The following DCAF6 variants were observed in gnomAD, a reference collection of about 807,000 sequenced individuals.
DCAF6 encodes DDB1- and CUL4-associated factor 6.
In DCAF6, 54 loss-of-function variants were observed where a neutral mutation model predicts 125.1. That is an observed-to-expected ratio of 0.43 (90% CI 0.35 to 0.54). DCAF6 has a LOEUF of 0.54. Among genes scored for constraint, DCAF6 ranks in the 20% least tolerant of loss-of-function variants. DCAF6 has a pLI of 0.01. For synonymous variants in DCAF6, 371 were observed against 390.4 expected (o/e 0.95, Z 0.58); for missense variants, 934 against 1,161.7 (o/e 0.80, Z 2.85).
intron 12 of DCAF6, among the ~76,000 whole-genome samples, chr1:168,028,411 T>C (rs1157122388): frequency 3.9e-5 from 6 of 152,162 alleles, no homozygotes; most frequent in Admixed American, 3.3e-4. Context: ...ACAAGTTGCT[T>C]TCTATTCCTT....
At chr1:168,016,417 A>C (rs757818522) in intron 11 of DCAF6, among the ~76,000 whole-genome samples, 1 of 152,182 alleles carries the variant, frequency 6.6e-6, no homozygotes, top group East Asian at 1.9e-4. Flanking sequence ...CCATACTAGC[A>C]TGCTGACTAA....
At chr1:168,066,845 G>C (rs1692407875) in intron 20 of DCAF6, among the ~76,000 whole-genome samples, 1 of 152,106 alleles carries the variant, frequency 6.6e-6, no homozygotes, top group Non-Finnish European at 1.5e-5. Flanking sequence ...TTTTAGTACA[G>C]CTATTTTTCC....
At chr1:167,877,354 G>C in the DCAF6 span, among the ~76,000 whole-genome samples, 1 of 151,368 alleles carries the variant, frequency 6.6e-6, no homozygotes, top group African/African-American at 2.4e-5. Flanking sequence ...GCACTTTATT[G>C]ATGGCCTATG....
rs146323296 is a variant in DCAF6 at position 168,051,261 on chromosome 1, G to GT, written c.2300+334dup. Among the ~76,000 whole-genome samples the GT allele has an allele frequency of 6.6e-3, 1,010 of 152,230 alleles. 18 individuals carry two copies. The highest frequency in any genetic ancestry group is 0.023 in the African/African-American group (958 of 41,562). ...TATTTTGTTGAAGAATGCAATTTAT[G>GT]TTTTTTAAATTTGATTGGGATAACA... On this transcript the variant is annotated intron_variant, in intron 17 of 21. Transcript: ENST00000367840.
At chr1:168,051,402 T>A (rs1348909714) in intron 17 of DCAF6, among the ~76,000 whole-genome samples, 1 of 152,342 alleles carries the variant, frequency 6.6e-6, no homozygotes, top group South Asian at 2.1e-4. Flanking sequence ...AGTTGTTTCC[T>A]TATAAATAGT....
At chr1:167,991,138 A>G (rs1444286874) in intron 5 of DCAF6, 66 bp from the exon 6 acceptor site, 4 of 1,354,796 alleles carry the variant, frequency 3.0e-6, no homozygotes, top group Non-Finnish European at 3.0e-6. Context: ...ATGAGAAAAT[A>G]TTTTAAATAT....
chr1:167,896,474 T>G, the DCAF6 span: 1 of 816,908 alleles, frequency 1.2e-6, no homozygotes, highest in African/African-American at 1.7e-5. Context: ...CTTTGTGTGC[T>G]GGTAAGGACC....
chr1:167,900,363 A>G, the DCAF6 span, among the ~76,000 whole-genome samples: 5 of 152,178 alleles, frequency 3.3e-5, no homozygotes, highest in East Asian at 7.7e-4. Context: ...CTTACTCTAA[A>G]AAAAGGTGCT....
rs1453003339 is a variant in DCAF6, at chr1:168,003,960, A to G, written c.1088A>G (p.Asn363Ser). Residue 363 changes from asparagine (N) to serine (S), a missense_variant, in exon 9 of 22, where the codon AAT becomes AGT. Asn to Ser is a conservative substitution (Grantham distance 46). This residue lies in a region of DCAF6 where 559 missense variants were observed against 635.5 expected (regional missense o/e 0.88). Coordinates refer to ENST00000367840, the MANE Select transcript of DCAF6 (RefSeq NM_001198956.2). Reference sequence around the variant, plus strand: ...GAAGCAAGTGAGGTTGCACAAAGCAATAGAGGACGAGGAAGATCTCGACCC... The same window carrying G: ...GAAGCAAGTGAGGTTGCACAAAGCAGTAGAGGACGAGGAAGATCTCGACCC... ...FEEASEVAQS[N>S]RGRGRSRPRG... 5 of 1,612,610 alleles carry G rather than the reference A, an allele frequency of 3.1e-6. No individual in the cohort carries two copies. The highest frequency in any genetic ancestry group is 2.2e-5 in the East Asian group (1 of 44,814).
chr1:167,904,888 A>G, the DCAF6 span: 2 of 1,481,504 alleles, frequency 1.3e-6, no homozygotes, highest in Non-Finnish European at 1.9e-6. Flanking sequence ...TGACAGCCCA[A>G]GGGCTCCAGA....
At chr1:167,909,934 C>T in the DCAF6 span, among the ~76,000 whole-genome samples, 1 of 147,760 alleles carries the variant, frequency 6.8e-6, no homozygotes, top group South Asian at 2.1e-4. Flanking sequence ...GCCGGCGCCA[C>T]TGATGACCAG....
chr1:167,866,388 G>C, the DCAF6 span, among the ~76,000 whole-genome samples: 1 of 152,136 alleles, frequency 6.6e-6, no homozygotes. Flanking sequence ...ATTTTAGTGA[G>C]TGATGTTAAT....
chr1:168,016,680 A>C (rs890141991), intron 11 of DCAF6, among the ~76,000 whole-genome samples: 47 of 152,276 alleles, frequency 3.1e-4, no homozygotes, highest in African/African-American at 1.1e-3. Context: ...TTAATGAAAG[A>C]TATATTAATA....
the DCAF6 span, chr1:167,901,806 C>G: frequency 6.2e-7 from 1 of 1,614,196 alleles, no homozygotes; most frequent in Non-Finnish European, 8.5e-7. Flanking sequence ...AGTGCATCAC[C>G]TTCAGAGAGA....
chr1:167,972,078 A>C (rs1446169980), intron 3 of DCAF6, among the ~76,000 whole-genome samples: 1 of 152,036 alleles, frequency 6.6e-6, no homozygotes, highest in Non-Finnish European at 1.5e-5. Context: ...CTGGTCTCGA[A>C]CTCCTGACTT....
the DCAF6 span, chr1:167,905,177 A>G: frequency 1.2e-6 from 2 of 1,612,962 alleles, no homozygotes; most frequent in Non-Finnish European, 1.7e-6. Context: ...TGGTGACAGG[A>G]AGCAGTCTCC....
chr1:168,020,348 A>G (rs1177013396), intron 11 of DCAF6, among the ~76,000 whole-genome samples: 1 of 152,182 alleles, frequency 6.6e-6, no homozygotes, highest in African/African-American at 2.4e-5. Context: ...AATTTTTGTG[A>G]TTTACCTGTT....
chr1:167,912,634 C>A, the DCAF6 span, among the ~76,000 whole-genome samples: 1 of 152,200 alleles, frequency 6.6e-6, no homozygotes, highest in Non-Finnish European at 1.5e-5. Context: ...GCTTTGGAGC[C>A]CCCCTCCCTC....
At chr1:168,005,980 AGTTT>A (rs1179574515) in intron 10 of DCAF6, among the ~76,000 whole-genome samples, 1 of 152,168 alleles carries the variant, frequency 6.6e-6, no homozygotes, top group Non-Finnish European at 1.5e-5. Context: ...AGTAGTTAAA[AGTTT>A]GTTTTTCAAA....
Sources: allele counts gnomAD v4.1 joint callset (sites outside exome capture counted in the v4.1 genomes callset), GRCh38; gene constraint gnomAD v4.1.1; regional missense constraint gnomAD v4.1.1; transcripts MANE v1.5; gene names NCBI Gene and HGNC (gene_info 2026-07-23, HGNC 2026-07-21).